MYLK: variants seen among roughly 807,000 people sequenced by gnomAD.
MYLK encodes myosin light chain kinase, smooth muscle.
Under a neutral mutation model 203.4 loss-of-function variants are expected in MYLK, and 106 were observed. The observed-to-expected ratio is 0.52, with a 90% CI of 0.45 to 0.61. The LOEUF (loss-of-function observed/expected upper bound fraction) is 0.61. Ranked by LOEUF, MYLK falls within the 20% of genes least tolerant of loss-of-function variation. The probability of loss-of-function intolerance (pLI) is 0.00; values close to 1 mark genes in which losing one functional copy is unlikely to be tolerated. For missense variants in MYLK, 2,072 were observed against 2,442.3 expected (o/e 0.85, Z 3.20); for synonymous variants, 867 against 959.5 (o/e 0.90, Z 1.78).
At chr3:123,745,186 G>A (rs188241253) in intron 5 of MYLK, among the ~76,000 whole-genome samples, 1 of 152,056 alleles carries the variant, frequency 6.6e-6, no homozygotes, top group East Asian at 1.9e-4. Flanking sequence ...TGTGGTGTCT[G>A]TTCTGGTAGG....
intron 29 of MYLK, among the ~76,000 whole-genome samples, chr3:123,633,798 G>A (rs1052008784): frequency 6.6e-6 from 1 of 152,234 alleles, no homozygotes; most frequent in Non-Finnish European, 1.5e-5. Context: ...GGAGAGCAGA[G>A]GGTGCAGAAA....
chr3:123,759,944 T>C (rs888033342), intron 4 of MYLK, among the ~76,000 whole-genome samples: 1 of 152,150 alleles, frequency 6.6e-6, no homozygotes, highest in Non-Finnish European at 1.5e-5. Context: ...AGACAATACA[T>C]ATCTTTTGCT....
chr3:123,837,520 A>G (rs2066502849), intron 2 of MYLK, among the ~76,000 whole-genome samples: 1 of 146,806 alleles, frequency 6.8e-6, no homozygotes, highest in Non-Finnish European at 1.5e-5. Flanking sequence ...ATAATATATA[A>G]TTATATAATA....
chr3:123,674,293 T>A (rs2108397641), intron 20 of MYLK, among the ~76,000 whole-genome samples: 1 of 152,280 alleles, frequency 6.6e-6, no homozygotes, highest in South Asian at 2.1e-4. Flanking sequence ...ACCATCAGCA[T>A]TGTAGTCCCA....
chr3:123,626,119 T>C (rs1479271621), intron 31 of MYLK, among the ~76,000 whole-genome samples: 1 of 152,192 alleles, frequency 6.6e-6, no homozygotes, highest in African/African-American at 2.4e-5. Context: ...ATTTAGTGCA[T>C]AGATAGTGCT....
chr3:123,689,194 G>A (rs1419236829), intron 19 of MYLK, among the ~76,000 whole-genome samples: 1 of 152,164 alleles, frequency 6.6e-6, no homozygotes, highest in Non-Finnish European at 1.5e-5. Context: ...GGGTGGCTGG[G>A]GACAGGAGGC....
Position 123,793,681 on chromosome 3 carries a change from C to T in MYLK, c.161G>A (p.Gly54Glu), listed in dbSNP as rs767453947. The T allele has an allele frequency of 8.1e-6, 13 of 1,614,024 alleles. No individual in the cohort carries two copies. The Admixed American group carries it at 2.0e-4, about 25-fold the overall frequency. Residue 54 changes from glycine (G) to glutamate (E), a missense_variant, in exon 4 of 34, where the codon GGG becomes GAG. By Grantham distance (98) the Gly-to-Glu change is moderately conservative (BLOSUM62 -2). Around this residue, in one of 3 missense-constraint regions of MYLK, gnomAD observed 683 missense variants for 643.8 expected, o/e 1.06. Coordinates refer to ENST00000360304, the MANE Select transcript of MYLK (RefSeq NM_053025.4). Reference protein sequence around the residue: ...IKEGATAKFEGRVRGYPEPQV... With the variant: ...IKEGATAKFEERVRGYPEPQV... ...CCATCCAGCCACACTTCTTACCCGC[C>T]CTTCGAACTTGGCGGTGGCTCCTTC...
At chr3:123,701,634 T>C in intron 16 of MYLK, 125 bp from the exon 17 acceptor site, 1 of 871,966 alleles carries the variant, frequency 1.1e-6, no homozygotes, top group Non-Finnish European at 1.9e-6. Context: ...GACTGAGACA[T>C]TCACCCCAGC....
intron 19 of MYLK, chr3:123,692,108 C>A (rs2060696936): frequency 6.0e-6 from 1 of 167,728 alleles, no homozygotes; most frequent in African/African-American, 2.4e-5. Context: ...AGCCCAGTTC[C>A]TCGCAGCTTG....
At chr3:123,861,629 A>G (rs1310733143) in intron 2 of MYLK, among the ~76,000 whole-genome samples, 3 of 152,222 alleles carry the variant, frequency 2.0e-5, no homozygotes, top group Non-Finnish European at 4.4e-5. Context: ...CATCTGGCAT[A>G]TACCACATAC....
intron 2 of MYLK, among the ~76,000 whole-genome samples, chr3:123,858,518 T>C (rs937005958): frequency 2.0e-5 from 3 of 152,162 alleles, no homozygotes; most frequent in African/African-American, 7.2e-5. Context: ...ACCTTCCTGC[T>C]GGTGGGGACT....
At chr3:123,808,081 G>C (rs2065432205) in intron 3 of MYLK, among the ~76,000 whole-genome samples, 1 of 152,206 alleles carries the variant, frequency 6.6e-6, no homozygotes, top group African/African-American at 2.4e-5. Context: ...AGGGTCATCA[G>C]CTCAAGGCCG....
chr3:123,717,184 C>G (rs1203357463), intron 13 of MYLK, among the ~76,000 whole-genome samples: 2 of 152,142 alleles, frequency 1.3e-5, no homozygotes, highest in African/African-American at 4.8e-5. Context: ...GTTATGTTAA[C>G]TGGATAGATT....
At chr3:123,793,052 C>T (rs565131610) in intron 4 of MYLK, among the ~76,000 whole-genome samples, 108 of 152,314 alleles carry the variant, frequency 7.1e-4, no homozygotes, top group African/African-American at 2.5e-3. Context: ...GGAGCTCCCT[C>T]TTAGACTGCT....
rs1227541211 is a variant in MYLK, at chr3:123,738,923, G to T, written c.562C>A (p.Pro188Thr). 2.5e-6 allele frequency: 4 copies of T among 1,611,914 alleles called. No individual in the cohort carries two copies. Among genetic ancestry groups the T allele is most frequent in the East Asian group, 2.2e-5 (1 of 44,826 alleles). Residue 188 changes from proline (P) to threonine (T), a missense_variant, in exon 7 of 34, where the codon CCC becomes ACC. Transcript: ENST00000360304. ...TTGAGCCAGGTGACCTGCGGTTGGG[G>T]CCGGCCAGTGATCTTGCAGGAGAAT... ...GRFSCKITGRPQPQVTWLKGN... is the reference protein window; with the variant it reads ...GRFSCKITGRTQPQVTWLKGN...
chr3:123,823,851 C>A (rs1393355852), intron 3 of MYLK, among the ~76,000 whole-genome samples: 1 of 152,304 alleles, frequency 6.6e-6, no homozygotes, highest in African/African-American at 2.4e-5. Flanking sequence ...GCCTGCTTTG[C>A]TGTTCCTCCA....
chr3:123,789,748 A>T (rs1342516999), intron 4 of MYLK, among the ~76,000 whole-genome samples: 4 of 151,572 alleles, frequency 2.6e-5, no homozygotes, highest in Non-Finnish European at 5.9e-5. Flanking sequence ...AAATCAGTAG[A>T]TGCTAATCAA....
intron 32 of MYLK, among the ~76,000 whole-genome samples, chr3:123,619,495 C>T (rs1576315916): frequency 6.6e-6 from 1 of 152,218 alleles, no homozygotes; most frequent in South Asian, 2.1e-4. Context: ...AATCTAAACT[C>T]AGATTCTCAC....
chr3:123,659,809 C>G (rs2059507901), intron 23 of MYLK: 2 of 402,984 alleles, frequency 5.0e-6, no homozygotes, highest in Admixed American at 2.6e-5. Flanking sequence ...CACATTTCCT[C>G]TGAATTCTCC....
Sources: gnomAD v4.1 joint callset for allele counts (sites outside exome capture counted in the v4.1 genomes callset) on GRCh38, gnomAD v4.1.1 for gene constraint, gnomAD v4.1.1 regional missense constraint, MANE v1.5 for transcripts, NCBI Gene and HGNC (gene_info 2026-07-23, HGNC 2026-07-21) for gene names.